Variants in UBQLN1 observed in about 807,000 individuals in gnomAD.
The protein encoded by UBQLN1 is ubiquilin-1.
Under a neutral mutation model 65.4 loss-of-function variants are expected in UBQLN1, and 13 were observed. The ratio of observed to expected loss-of-function variants is 0.20; its 90% CI spans 0.13 to 0.32. The LOEUF is 0.32. UBQLN1 is among the 10% of genes least tolerant of loss of function. The pLI, the probability that UBQLN1 is intolerant of heterozygous loss-of-function variation, is 1.00. For synonymous variants in UBQLN1, 267 were observed against 247.8 expected, an observed-to-expected ratio of 1.08 and a Z score of -0.73; for missense variants, 561 against 724.0, an observed-to-expected ratio of 0.77 and a Z score of 2.58.
At chr9:83,669,479 C>T in intron 6 of UBQLN1, 152 bp from the exon 7 acceptor site, 1 of 705,680 alleles carries the variant, frequency 1.4e-6, no homozygotes, top group Non-Finnish European at 2.2e-6. Flanking sequence ...AACTTTAAAA[C>T]TAAAACATCT....
rs1165683556 is a variant in UBQLN1, at chr9:83,664,063, G to T, written c.1449-20C>A. On this transcript the variant is annotated intron_variant, in intron 9 of 10. Transcript: ENST00000376395. Reference sequence around the variant, plus strand: ...GTAAACCTACAGAAAGCACAAATAGGAAATATCCTAAGGTCCTGCAAAACC... The same window carrying T: ...GTAAACCTACAGAAAGCACAAATAGTAAATATCCTAAGGTCCTGCAAAACC... The T allele has an allele frequency of 6.2e-7, 1 of 1,608,222 alleles. No homozygotes were observed. Among genetic ancestry groups the T allele is most frequent in the Non-Finnish European group, 8.5e-7 (1 of 1,177,604 alleles).
chr9:83,687,027 A>G (rs1052039259), intron 1 of UBQLN1, among the ~76,000 whole-genome samples: 3 of 152,156 alleles, frequency 2.0e-5, no homozygotes, highest in Admixed American at 1.3e-4. Flanking sequence ...TATTATACTG[A>G]CCATCCTTCC....
chr9:83,679,626 T>C (rs931656797), intron 4 of UBQLN1, 149 bp downstream of exon 4: 4 of 775,270 alleles, frequency 5.2e-6, no homozygotes, highest in Non-Finnish European at 3.9e-6. Context: ...AACAGCCAAA[T>C]TAGCGCTTTG....
chr9:83,668,406 C>G (rs1332865712), intron 7 of UBQLN1: 12 of 985,208 alleles, frequency 1.2e-5, no homozygotes, highest in Middle Eastern at 5.2e-4. Flanking sequence ...CAAATATAAA[C>G]TACAGATTAT....
intron 1 of UBQLN1, among the ~76,000 whole-genome samples, chr9:83,702,421 A>G (rs538531221): frequency 6.6e-6 from 1 of 152,300 alleles, no homozygotes; most frequent in Non-Finnish European, 1.5e-5. Context: ...GATCTCACAG[A>G]CATTTTTTTT....
intron 7 of UBQLN1, chr9:83,668,577 G>A (rs1831680144): frequency 1.0e-6 from 1 of 985,468 alleles, no homozygotes. Flanking sequence ...AGCTTCCCAA[G>A]TGATCCTGAG....
At chr9:83,688,527 A>C (rs1385038731) in intron 1 of UBQLN1, among the ~76,000 whole-genome samples, 1 of 152,070 alleles carries the variant, frequency 6.6e-6, no homozygotes, top group African/African-American at 2.4e-5. Flanking sequence ...GTTATATAGC[A>C]TTTTATTGTA....
chr9:83,707,465 A>AC (rs1832431644), intron 1 of UBQLN1, 35 bp downstream of exon 1: 1 of 1,578,236 alleles, frequency 6.3e-7, no homozygotes, highest in South Asian at 1.1e-5. Flanking sequence ...TCCTGCCGCC[A>AC]CCCCCATCCC....
intron 1 of UBQLN1, among the ~76,000 whole-genome samples, chr9:83,704,437 T>C (rs1832362836): frequency 6.6e-6 from 1 of 152,226 alleles, no homozygotes; most frequent in Non-Finnish European, 1.5e-5. Context: ...TTTTATCACA[T>C]TTTCTGCTTC....
intron 1 of UBQLN1, among the ~76,000 whole-genome samples, chr9:83,697,526 G>A (rs1418643653): frequency 1.5e-5 from 2 of 137,668 alleles, no homozygotes; most frequent in Non-Finnish European, 3.1e-5. Context: ...CACTCCAGCC[G>A]GGGCAACAGT....
At chr9:83,672,727 T>C (rs1831754279) in intron 6 of UBQLN1, among the ~76,000 whole-genome samples, 1 of 152,124 alleles carries the variant, frequency 6.6e-6, no homozygotes, top group Non-Finnish European at 1.5e-5. Flanking sequence ...CACAGAGACA[T>C]GAAGTGGGCA....
At chr9:83,664,993 AT>A (rs770631316) in intron 9 of UBQLN1, 36 bp downstream of exon 9, 10 of 1,422,994 alleles carry the variant, frequency 7.0e-6, no homozygotes, top group Non-Finnish European at 8.8e-6. Context: ...GAAAGTAACC[AT>A]TATACACTTT....
intron 1 of UBQLN1, among the ~76,000 whole-genome samples, chr9:83,704,284 C>A (rs1032969489): frequency 5.9e-5 from 9 of 152,134 alleles, no homozygotes; most frequent in African/African-American, 2.2e-4. Context: ...AATGGCATAT[C>A]TTTTGTGCTT....
At chr9:83,670,219 G>A (rs1831708152) in intron 6 of UBQLN1, among the ~76,000 whole-genome samples, 1 of 151,350 alleles carries the variant, frequency 6.6e-6, no homozygotes, top group East Asian at 1.9e-4. Flanking sequence ...AACTTACTAT[G>A]CCAAGTCAAC....
At chr9:83,687,778 A>G (rs989330321) in intron 1 of UBQLN1, among the ~76,000 whole-genome samples, 1 of 151,332 alleles carries the variant, frequency 6.6e-6, no homozygotes, top group Non-Finnish European at 1.5e-5. Context: ...AATATAAACA[A>G]CTGATTTTTA....
intron 6 of UBQLN1, among the ~76,000 whole-genome samples, chr9:83,674,979 TA>T (rs1302929802): frequency 6.6e-6 from 1 of 152,184 alleles, no homozygotes; most frequent in Admixed American, 6.5e-5. Flanking sequence ...TATAAAAATG[TA>T]AGGTATTTAA....
intron 7 of UBQLN1, chr9:83,668,272 GTTTTAGAATTTAGAAAA>G: frequency 1.0e-6 from 1 of 984,534 alleles, no homozygotes; most frequent in Non-Finnish European, 1.2e-6. Flanking sequence ...AATCAATATA[GTTTTAGAATTTAGAAAA>G]TAAAAACCAT....
chr9:83,683,681 G>T (rs1831988763), intron 2 of UBQLN1, among the ~76,000 whole-genome samples: 1 of 152,102 alleles, frequency 6.6e-6, no homozygotes, highest in African/African-American at 2.4e-5. Flanking sequence ...TCTCATAAGA[G>T]GGAAGCCAAT....
chr9:83,678,291 G>A, intron 5 of UBQLN1, 150 bp downstream of exon 5: 1 of 964,632 alleles, frequency 1.0e-6, no homozygotes, highest in Non-Finnish European at 1.5e-6. Flanking sequence ...AAAGTGCTGG[G>A]ATTACAGGCG....
Sources: allele counts gnomAD v4.1 joint callset (sites outside exome capture counted in the v4.1 genomes callset), GRCh38; gene constraint gnomAD v4.1.1; transcripts MANE v1.5; gene names NCBI Gene and HGNC (gene_info 2026-07-23, HGNC 2026-07-21).